Variants in NKAIN2 observed in about 807,000 individuals in gnomAD.
NKAIN2 encodes sodium/potassium transporting ATPase interacting 2.
Under a neutral mutation model 32.6 loss-of-function variants are expected in NKAIN2, and 14 were observed. That is an observed-to-expected ratio of 0.43 (90% CI 0.28 to 0.67). The LOEUF (loss-of-function observed/expected upper bound fraction) is 0.67, where lower values mean the gene tolerates loss of function less well. Among genes scored for constraint, NKAIN2 ranks in the 30% least tolerant of loss-of-function variants. NKAIN2 has a pLI of 0.17. For missense variants in NKAIN2, 198 were observed against 258.3 expected (o/e 0.77, Z 1.60); for synonymous variants, 80 against 87.2 (o/e 0.92, Z 0.46).
At chr6:124,303,605 T>G (rs565911910) in intron 2 of NKAIN2, among the ~76,000 whole-genome samples, 6 of 152,306 alleles carry the variant, frequency 3.9e-5, no homozygotes, top group Admixed American at 3.9e-4. Flanking sequence ...TGAATAGAAG[T>G]AAGGAAGCAT....
chr6:124,809,337 C>T (rs899214805), intron 5 of NKAIN2, among the ~76,000 whole-genome samples: 77 of 150,174 alleles, frequency 5.1e-4, no homozygotes, highest in African/African-American at 1.9e-3. Context: ...CACATATCTA[C>T]AACTATCCGA....
intron 3 of NKAIN2, among the ~76,000 whole-genome samples, chr6:124,515,566 A>T (rs1487056408): frequency 2.0e-5 from 3 of 152,022 alleles, no homozygotes; most frequent in African/African-American, 7.2e-5. Context: ...AAGGGCATTA[A>T]TCTATTCGTG....
At chr6:124,677,578 C>A (rs1773422975) in intron 4 of NKAIN2, among the ~76,000 whole-genome samples, 1 of 152,172 alleles carries the variant, frequency 6.6e-6, no homozygotes, top group Admixed American at 6.5e-5. Context: ...AAACTAATCA[C>A]AACTTCAATC....
At chr6:124,223,359 T>G (rs764624129) in intron 1 of NKAIN2, among the ~76,000 whole-genome samples, 49 of 150,938 alleles carry the variant, frequency 3.2e-4, no homozygotes, top group Non-Finnish European at 5.9e-4. Context: ...ATCCAATGAA[T>G]AGGAAAATAA....
intron 3 of NKAIN2, among the ~76,000 whole-genome samples, chr6:124,604,246 A>G (rs1484160408): frequency 2.0e-5 from 3 of 151,994 alleles, no homozygotes; most frequent in Non-Finnish European, 4.4e-5. Context: ...TACACACTAC[A>G]TTTTAAATTT....
intron 1 of NKAIN2, among the ~76,000 whole-genome samples, chr6:124,032,317 G>C (rs192099715): frequency 4.6e-5 from 7 of 150,998 alleles, no homozygotes; most frequent in Middle Eastern, 3.4e-3. Flanking sequence ...TGTAAATGAC[G>C]AGTTAATGGG....
At chr6:124,575,247 C>A (rs1781286752) in intron 3 of NKAIN2, among the ~76,000 whole-genome samples, 1 of 152,086 alleles carries the variant, frequency 6.6e-6, no homozygotes, top group African/African-American at 2.4e-5. Flanking sequence ...GTCCCCTATC[C>A]CTTTCATTAT....
At chr6:124,660,774 G>C (rs1206874076) in intron 4 of NKAIN2, among the ~76,000 whole-genome samples, 5 of 152,154 alleles carry the variant, frequency 3.3e-5, no homozygotes, top group African/African-American at 9.7e-5. Context: ...TTCTACTTTT[G>C]AGCTTGCTCT....
rs80350733 is a variant in NKAIN2, at chr6:124,504,288, G to A, written c.273+148941G>A. On this transcript the variant is annotated intron_variant, in intron 3 of 6. Coordinates refer to ENST00000368417, the MANE Select transcript of NKAIN2 (RefSeq NM_001040214.3). ...TGTGTTCTCACTATATTTTTGCATA[G>A]GAGTGATGTTTTTAACCTTATTAAA... Among the ~76,000 whole-genome samples the A allele has an allele frequency of 9.2e-5, 14 of 152,128 alleles. No individual in the cohort carries two copies. The East Asian group carries it at 2.7e-3, about 29-fold the overall frequency.
At chr6:124,727,671 A>G (rs1379323897) in intron 4 of NKAIN2, among the ~76,000 whole-genome samples, 2 of 150,630 alleles carry the variant, frequency 1.3e-5, no homozygotes, top group African/African-American at 2.4e-5. Flanking sequence ...ATAAGCAACT[A>G]ACATCATAAT....
At chr6:124,316,895 G>GA (rs1243930443) in intron 2 of NKAIN2, among the ~76,000 whole-genome samples, 1 of 151,982 alleles carries the variant, frequency 6.6e-6, no homozygotes, top group African/African-American at 2.4e-5. Context: ...AGGTGGACTG[G>GA]GAAAGCATCA....
At chr6:123,889,215 T>C (rs1773877335) in intron 1 of NKAIN2, among the ~76,000 whole-genome samples, 1 of 143,608 alleles carries the variant, frequency 7.0e-6, no homozygotes, top group Non-Finnish European at 1.5e-5. Context: ...CATCATATTA[T>C]TAGTTAGACT....
intron 4 of NKAIN2, among the ~76,000 whole-genome samples, chr6:124,739,977 T>G (rs1158017833): frequency 6.6e-6 from 1 of 151,732 alleles, no homozygotes; most frequent in East Asian, 2.0e-4. Flanking sequence ...GTGTTGGGAG[T>G]GCCCCTCCAG....
intron 1 of NKAIN2, among the ~76,000 whole-genome samples, chr6:123,903,824 C>T (rs891504024): frequency 3.9e-5 from 6 of 152,018 alleles, no homozygotes; most frequent in African/African-American, 1.5e-4. Context: ...GTTACACTAT[C>T]GATAGGATGA....
chr6:124,529,817 A>G (rs1779454062), intron 3 of NKAIN2, among the ~76,000 whole-genome samples: 1 of 152,222 alleles, frequency 6.6e-6, no homozygotes, highest in Non-Finnish European at 1.5e-5. Flanking sequence ...TCATGTAACC[A>G]TTAGAGACAA....
intron 1 of NKAIN2, among the ~76,000 whole-genome samples, chr6:123,895,084 GC>G (rs1774207860): frequency 6.8e-6 from 1 of 147,542 alleles, no homozygotes; most frequent in South Asian, 2.2e-4. Flanking sequence ...GCCCTTTCCT[GC>G]CCCTCTGTCC....
chr6:124,362,858 A>G (rs982005860), intron 3 of NKAIN2, among the ~76,000 whole-genome samples: 1 of 152,124 alleles, frequency 6.6e-6, no homozygotes, highest in Non-Finnish European at 1.5e-5. Context: ...TTTTTGAGAT[A>G]GAGTCCCACT....
intron 3 of NKAIN2, among the ~76,000 whole-genome samples, chr6:124,543,338 T>C (rs969078299): frequency 3.9e-5 from 6 of 152,172 alleles, no homozygotes; most frequent in Non-Finnish European, 8.8e-5. Flanking sequence ...TCATAAAATA[T>C]AGATTAGTAA....
chr6:124,425,919 T>A (rs1307024564), intron 3 of NKAIN2, among the ~76,000 whole-genome samples: 1 of 152,172 alleles, frequency 6.6e-6, no homozygotes, highest in Non-Finnish European at 1.5e-5. Context: ...TGTATTATTT[T>A]TATTTACATA....
Sources: gnomAD v4.1 joint callset for allele counts (sites outside exome capture counted in the v4.1 genomes callset) on GRCh38, gnomAD v4.1.1 for gene constraint, MANE v1.5 for transcripts, NCBI Gene and HGNC (gene_info 2026-07-23, HGNC 2026-07-21) for gene names.